Variants in PCDHA3 observed in about 807,000 individuals in gnomAD.
PCDHA3 encodes protocadherin alpha-3.
A neutral mutation model predicts 62.2 loss-of-function variants in PCDHA3; 41 were observed. The observed-to-expected ratio is 0.66, with a 90% CI of 0.51 to 0.86. The LOEUF is 0.86. Ranked by LOEUF, PCDHA3 falls within the 40% of genes least tolerant of loss-of-function variation. The pLI is 0.00. For missense variants in PCDHA3, 1,304 were observed against 1,241.2 expected (o/e 1.05, Z -0.76); for synonymous variants, 640 against 555.4 (o/e 1.15, Z -2.14).
At chr5:140,848,360 G>A (rs1475773357) in intron 1 of PCDHA3, 1 of 1,069,390 alleles carries the variant, frequency 9.4e-7, no homozygotes, top group Non-Finnish European at 1.4e-6. Context: ...TTTCCCATGG[G>A]AAAGAGGCTC....
In PCDHA3 at chr5:140,853,642, T is replaced by C. The variant is rs112112795; in HGVS notation, c.2394+50051T>C. 87 of 988,768 alleles carry C rather than the reference T, an allele frequency of 8.8e-5. 2 individuals carry two copies. Among genetic ancestry groups the C allele is most frequent in the Middle Eastern group, 1.1e-3 (2 of 1,882 alleles). 61.2% of individuals were successfully genotyped at this position (988,768 alleles called of 1,614,324 possible). A position where few individuals can be genotyped will look rare whatever the true frequency, so the allele number is the denominator to read the frequency against. ...AAGTATACAAGATCACAGACCTAAA[T>C]TGAGCCTGTTCCAGACAAATTGGGG... On this transcript the variant is annotated intron_variant, in intron 1 of 3. Coordinates refer to ENST00000522353, the MANE Select transcript of PCDHA3 (RefSeq NM_018906.3).
At chr5:140,967,042 G>A (rs781848948) in intron 1 of PCDHA3, 1 of 1,611,904 alleles carries the variant, frequency 6.2e-7, no homozygotes, top group Admixed American at 1.7e-5. Flanking sequence ...ACCTGGAGCT[G>A]GACCTGACGA....
chr5:140,869,302 G>T lies in PCDHA3; in HGVS notation c.2394+65711G>T. ...GCTGGTGCAGCGCCTGTTCCGGGTGGCGTCCAAAACACATGGGGACCTTCT... is the reference window on the plus strand; with the variant it reads ...GCTGGTGCAGCGCCTGTTCCGGGTGTCGTCCAAAACACATGGGGACCTTCT... On this transcript the variant is annotated intron_variant, in intron 1 of 3. Coordinates refer to ENST00000522353, the MANE Select transcript of PCDHA3 (RefSeq NM_018906.3). The T allele has an allele frequency of 6.2e-7, 1 of 1,613,642 alleles. No homozygotes were observed. Among genetic ancestry groups the T allele is most frequent in the Non-Finnish European group, 8.5e-7 (1 of 1,179,984 alleles).
chr5:140,823,126 G>A, intron 1 of PCDHA3: 2 of 1,614,022 alleles, frequency 1.2e-6, no homozygotes, highest in Non-Finnish European at 1.7e-6. Context: ...GAACGACAAC[G>A]CTCCGGCGTT....
intron 1 of PCDHA3, among the ~76,000 whole-genome samples, chr5:140,891,939 C>G (rs1475126639): frequency 3.3e-5 from 5 of 152,212 alleles, no homozygotes; most frequent in African/African-American, 1.2e-4. Flanking sequence ...TGGACTTCCC[C>G]TAGGCTCCAG....
intron 1 of PCDHA3, chr5:140,813,671 C>T (rs1480249597): frequency 1.3e-5 from 2 of 152,120 alleles, no homozygotes; most frequent in East Asian, 1.9e-4. Context: ...AAGCACTATA[C>T]ATTTAGGCTA....
intron 1 of PCDHA3, among the ~76,000 whole-genome samples, chr5:140,892,332 T>A (rs552266223): frequency 6.6e-6 from 1 of 152,274 alleles, no homozygotes; most frequent in African/African-American, 2.4e-5. Context: ...TTCTCCAGAA[T>A]GGATTTTAAT....
rs782045843 is a variant in PCDHA3 at position 140,884,051 on chromosome 5, C to A, written c.2394+80460C>A. Reference sequence around the variant, plus strand: ...TGCAGGCCACGTGGTGGCGAAGGTGCGCGCGGTGGACGCCGATTCGGGCTA... The same window carrying A: ...TGCAGGCCACGTGGTGGCGAAGGTGAGCGCGGTGGACGCCGATTCGGGCTA... On this transcript the variant is annotated intron_variant, in intron 1 of 3. Coordinates refer to ENST00000522353, the MANE Select transcript of PCDHA3 (RefSeq NM_018906.3). The A allele has an allele frequency of 9.3e-6, 15 of 1,613,426 alleles. No homozygotes were observed. In the South Asian group the frequency reaches 1.6e-4, roughly 18 times the overall value.
Position 140,968,830 on chromosome 5 carries a change from C to T in PCDHA3, c.2395-10119C>T, listed in dbSNP as rs782771762. On this transcript the variant is annotated intron_variant, in intron 1 of 3. Coordinates refer to ENST00000522353, the MANE Select transcript of PCDHA3 (RefSeq NM_018906.3). The stretch of plus-strand genomic sequence containing the variant: ...TGGTGGATAGGGTTTCCAAAATCCT[C>T]CCTGACACTCAGAGGCATGTTAAGA... 48 of 1,614,080 alleles carry T rather than the reference C, an allele frequency of 3.0e-5. No homozygotes were observed. The Admixed American group carries it at 8.0e-4, about 27-fold the overall frequency.
chr5:141,003,574 A>T (rs559561339), intron 3 of PCDHA3, among the ~76,000 whole-genome samples: 1 of 151,680 alleles, frequency 6.6e-6, no homozygotes, highest in African/African-American at 2.4e-5. Context: ...CAGACTCCCA[A>T]AGTGCTGGGA....
At chr5:140,869,355 G>A (rs782391359) in intron 1 of PCDHA3, 19 of 1,614,012 alleles carry the variant, frequency 1.2e-5, no homozygotes, top group Admixed American at 1.7e-5. Context: ...ATGGCATTTT[G>A]TTTGTGAATT....
chr5:140,809,209 G>T, intron 1 of PCDHA3: 2 of 1,614,072 alleles, frequency 1.2e-6, no homozygotes, highest in East Asian at 4.5e-5. Flanking sequence ...AGAGTGGACA[G>T]GCGCCAAAGG....
chr5:140,804,916 C>T (rs1763478341), intron 1 of PCDHA3: 4 of 946,484 alleles, frequency 4.2e-6, no homozygotes, highest in Middle Eastern at 3.4e-4. Context: ...TCTTTATTTC[C>T]TTTTTTGGCA....
intron 1 of PCDHA3, among the ~76,000 whole-genome samples, chr5:140,817,842 A>G (rs1223814016): frequency 4.6e-5 from 7 of 152,112 alleles, no homozygotes; most frequent in Admixed American, 3.9e-4. Context: ...TTTTACTATC[A>G]CTTTTGAGAA....
intron 1 of PCDHA3, among the ~76,000 whole-genome samples, chr5:140,954,517 A>G (rs1554221451): frequency 6.6e-6 from 1 of 152,182 alleles, no homozygotes; most frequent in Non-Finnish European, 1.5e-5. Flanking sequence ...TTACCTAATG[A>G]TCAGTGATGT....
chr5:140,870,198 C>A, intron 1 of PCDHA3: 2 of 1,614,172 alleles, frequency 1.2e-6, no homozygotes, highest in Non-Finnish European at 1.7e-6. Flanking sequence ...CTCAGCCCAG[C>A]ACGGTCATTG....
At chr5:140,853,611 G>A in intron 1 of PCDHA3, 1 of 988,014 alleles carries the variant, frequency 1.0e-6, no homozygotes. Flanking sequence ...AGGGGGTGCT[G>A]TAAATAAGTA....
At chr5:140,971,632 A>G (rs1228797401) in intron 1 of PCDHA3, among the ~76,000 whole-genome samples, 2 of 152,158 alleles carry the variant, frequency 1.3e-5, no homozygotes, top group Admixed American at 6.5e-5. Context: ...AATTAGTACC[A>G]TGTGCCTACA....
At chr5:140,830,197 C>T (rs2150182627) in intron 1 of PCDHA3, 4 of 1,613,722 alleles carry the variant, frequency 2.5e-6, no homozygotes, top group Non-Finnish European at 3.4e-6. Context: ...ACCTGATCAT[C>T]GCCATCTGCG....
Sources: gnomAD v4.1 joint callset for allele counts (sites outside exome capture counted in the v4.1 genomes callset) on GRCh38, gnomAD v4.1.1 for gene constraint, MANE v1.5 for transcripts, NCBI Gene and HGNC (gene_info 2026-07-23, HGNC 2026-07-21) for gene names.